Variants in FOXO3 observed in about 807,000 individuals in gnomAD.
FOXO3 encodes forkhead box protein O3.
A neutral mutation model predicts 41.9 loss-of-function variants in FOXO3; 4 were observed. The ratio of observed to expected loss-of-function variants is 0.10; its 90% CI spans 0.05 to 0.22. The LOEUF (loss-of-function observed/expected upper bound fraction) is 0.22. Ranked by LOEUF, FOXO3 falls within the 10% of genes least tolerant of loss-of-function variation. The pLI is 1.00. For missense variants in FOXO3, 534 were observed against 906.8 expected (o/e 0.59, Z 5.28); for synonymous variants, 318 against 389.3 (o/e 0.82, Z 2.16).
At chr6:108,672,259 G>A (rs1779235359) in intron 2 of FOXO3, among the ~76,000 whole-genome samples, 1 of 152,180 alleles carries the variant, frequency 6.6e-6, no homozygotes, top group Non-Finnish European at 1.5e-5. Context: ...CTGGCCTTGG[G>A]TCTCCCCAGA....
intron 1 of FOXO3, among the ~76,000 whole-genome samples, chr6:108,611,184 T>C (rs2128369332): frequency 6.6e-6 from 1 of 152,350 alleles, no homozygotes; most frequent in East Asian, 1.9e-4. Flanking sequence ...AGTGGCTCAT[T>C]CTTTTAATTG....
At chr6:108,603,071 CTTT>C (rs890056429) in intron 1 of FOXO3, among the ~76,000 whole-genome samples, 1 of 151,668 alleles carries the variant, frequency 6.6e-6, no homozygotes, top group African/African-American at 2.4e-5. Context: ...CAATGTAAGA[CTTT>C]TTTTCCCTCA....
At chr6:108,635,898 T>C (rs968016821) in intron 1 of FOXO3, among the ~76,000 whole-genome samples, 4 of 152,216 alleles carry the variant, frequency 2.6e-5, no homozygotes, top group Admixed American at 6.5e-5. Context: ...GGAGGAAGAT[T>C]TTTAGAAAGC....
upstream of FOXO3, among the ~76,000 whole-genome samples, chr6:108,560,586 C>T (rs1775744881): frequency 6.6e-6 from 1 of 152,042 alleles, no homozygotes; most frequent in Non-Finnish European, 1.5e-5. Flanking sequence ...CGGGGGGTCG[C>T]GGAGGCGGCC....
At chr6:108,563,569 A>G (rs1188765871) in intron 1 of FOXO3, among the ~76,000 whole-genome samples, 5 of 152,218 alleles carry the variant, frequency 3.3e-5, no homozygotes, top group African/African-American at 1.2e-4. Context: ...GGGGTTCGAA[A>G]TGTTTTTCAG....
intron 1 of FOXO3, among the ~76,000 whole-genome samples, chr6:108,622,204 A>G (rs1298578759): frequency 6.9e-6 from 1 of 145,498 alleles, no homozygotes; most frequent in Non-Finnish European, 1.5e-5. Context: ...GGTTGCAGTG[A>G]GCCCAAATCA....
intron 1 of FOXO3, among the ~76,000 whole-genome samples, chr6:108,648,687 C>T (rs184386276): frequency 3.3e-5 from 5 of 152,210 alleles, no homozygotes; most frequent in Admixed American, 3.3e-4. Flanking sequence ...CAAGCTAAAG[C>T]AGTGGACTGT....
intron 1 of FOXO3, among the ~76,000 whole-genome samples, chr6:108,622,256 CAAA>C (rs984779744): frequency 0.014 from 679 of 48,448 alleles, 6 homozygotes; most frequent in African/African-American, 0.045. Flanking sequence ...AAGACTGTCT[CAAA>C]AAAAAAAAAA....
At chr6:108,606,749 G>T (rs927362024) in intron 1 of FOXO3, among the ~76,000 whole-genome samples, 3 of 152,306 alleles carry the variant, frequency 2.0e-5, no homozygotes, top group Admixed American at 2.0e-4. Flanking sequence ...TGTATATTTT[G>T]ATCACCTTTA....
chr6:108,675,935 G>A (rs1770570927), intron 2 of FOXO3, among the ~76,000 whole-genome samples: 1 of 152,162 alleles, frequency 6.6e-6, no homozygotes, highest in East Asian at 1.9e-4. Flanking sequence ...AGTTGATTGG[G>A]GTTGTTATGT....
At chr6:108,580,126 A>G (rs1225428916) in intron 1 of FOXO3, among the ~76,000 whole-genome samples, 1 of 151,704 alleles carries the variant, frequency 6.6e-6, no homozygotes, top group Non-Finnish European at 1.5e-5. Flanking sequence ...GGTTAATTGA[A>G]CATTTATTAG....
At chr6:108,583,480 C>T (rs1351463052) in intron 1 of FOXO3, among the ~76,000 whole-genome samples, 1 of 152,128 alleles carries the variant, frequency 6.6e-6, no homozygotes, top group African/African-American at 2.4e-5. Flanking sequence ...GAGGAGTGGG[C>T]ACATAAGCTG....
chr6:108,609,108 G>A (rs890484748), intron 1 of FOXO3, among the ~76,000 whole-genome samples: 1 of 152,172 alleles, frequency 6.6e-6, no homozygotes, highest in African/African-American at 2.4e-5. Flanking sequence ...GTTATCGGAG[G>A]TTAGTTCTTA....
intron 1 of FOXO3, among the ~76,000 whole-genome samples, chr6:108,658,480 C>G (rs997751702): frequency 2.0e-5 from 3 of 152,180 alleles, no homozygotes; most frequent in Non-Finnish European, 2.9e-5. Context: ...AGCTAATCAT[C>G]TATTTAATAA....
At chr6:108,677,597 C>T (rs909706894) in intron 2 of FOXO3, among the ~76,000 whole-genome samples, 1 of 152,204 alleles carries the variant, frequency 6.6e-6, no homozygotes, top group Admixed American at 6.5e-5. Flanking sequence ...CAGCTTCTCC[C>T]TCGGCGCTTA....
At chr6:108,572,498 G>T (rs1319774519) in intron 1 of FOXO3, among the ~76,000 whole-genome samples, 1 of 152,194 alleles carries the variant, frequency 6.6e-6, no homozygotes, top group Non-Finnish European at 1.5e-5. Flanking sequence ...ATAGAACATG[G>T]AGTGGTTGTC....
intron 1 of FOXO3, among the ~76,000 whole-genome samples, chr6:108,574,282 G>A (rs1262782022): frequency 6.6e-6 from 1 of 152,134 alleles, no homozygotes; most frequent in Non-Finnish European, 1.5e-5. Flanking sequence ...GTCACTGCCA[G>A]GTGTGACCAT....
intron 1 of FOXO3, among the ~76,000 whole-genome samples, chr6:108,654,316 A>G (rs2128383687): frequency 1.3e-5 from 2 of 152,282 alleles, no homozygotes; most frequent in South Asian, 4.2e-4. Flanking sequence ...AATAATAATA[A>G]TTAATATGAA....
chr6:108,591,214 T>G (rs1318583351), intron 1 of FOXO3, among the ~76,000 whole-genome samples: 1 of 152,304 alleles, frequency 6.6e-6, no homozygotes, highest in East Asian at 1.9e-4. Flanking sequence ...ATAAGTATGG[T>G]CCACTGACAT....
Sources: allele counts gnomAD v4.1 joint callset (sites outside exome capture counted in the v4.1 genomes callset), GRCh38; gene constraint gnomAD v4.1.1; transcripts MANE v1.5; gene names NCBI Gene and HGNC (gene_info 2026-07-23, HGNC 2026-07-21).